PTPRM: variants seen among roughly 807,000 people sequenced by gnomAD.
PTPRM encodes the protein protein tyrosine phosphatase receptor type M.
PTPRM carries 47 observed loss-of-function variants against 186.7 expected under a neutral mutation model. That is an observed-to-expected ratio of 0.25 (90% CI 0.20 to 0.32). The LOEUF (loss-of-function observed/expected upper bound fraction) is 0.32, where lower values mean the gene tolerates loss of function less well. Among genes scored for constraint, PTPRM ranks in the 10% least tolerant of loss-of-function variants. The pLI is 1.00. For missense variants in PTPRM, 1,494 were observed against 1,865.0 expected, an observed-to-expected ratio of 0.80 and a Z score of 3.66; for synonymous variants, 668 against 674.9, an observed-to-expected ratio of 0.99 and a Z score of 0.16.
chr18:8,069,109 C>CAAAAA (rs71165767), intron 7 of PTPRM, among the ~76,000 whole-genome samples: 10 of 78,616 alleles, frequency 1.3e-4, no homozygotes, highest in Admixed American at 1.7e-4. Context: ...GACTCCGTCT[C>CAAAAA]AAAAAAAAAA....
Position 7,774,246 on chromosome 18 carries a change from G to A in PTPRM, c.171G>A (p.Pro57=), listed in dbSNP as rs145799313. Residue 57 remains proline (P), a synonymous_variant, in exon 2 of 33, where the codon CCG becomes CCA. Coordinates refer to ENST00000580170, the MANE Select transcript of PTPRM (RefSeq NM_001105244.2). The part of the protein sequence containing the change: ...NWEQVNTLTK[P]TSDPWMPSGS... ...AGCAAGTGAACACCTTGACTAAACC[G>A]ACTTCTGATCCATGGATGCCATCAG... The A allele has an allele frequency of 3.0e-4, 478 of 1,613,832 alleles. No homozygotes were observed. Among genetic ancestry groups the A allele is most frequent in the Non-Finnish European group, 4.0e-4 (468 of 1,179,942 alleles).
chr18:7,607,170 A>G (rs753227161), intron 1 of PTPRM, among the ~76,000 whole-genome samples: 9 of 152,146 alleles, frequency 5.9e-5, no homozygotes, highest in Admixed American at 1.3e-4. Context: ...TACTGCATCA[A>G]ACATTCTCAC....
chr18:7,638,513 G>T (rs2038371502), intron 1 of PTPRM, among the ~76,000 whole-genome samples: 1 of 152,180 alleles, frequency 6.6e-6, no homozygotes, highest in African/African-American at 2.4e-5. Flanking sequence ...ATCTAATGAT[G>T]TGTGTTTGAA....
chr18:8,287,816 A>C (rs1181049652), intron 19 of PTPRM, among the ~76,000 whole-genome samples: 1 of 152,158 alleles, frequency 6.6e-6, no homozygotes, highest in East Asian at 1.9e-4. Flanking sequence ...TAGAGACAAG[A>C]CCTAAGCCTA....
chr18:8,390,845 G>A (rs554571832), intron 31 of PTPRM, among the ~76,000 whole-genome samples: 167 of 152,008 alleles, frequency 1.1e-3, no homozygotes, highest in African/African-American at 3.9e-3. Flanking sequence ...GGAAAATGAC[G>A]TGAACCCGGG....
intron 13 of PTPRM, among the ~76,000 whole-genome samples, chr18:8,134,153 C>CAGGGGAA (rs1219399039): frequency 5.3e-5 from 8 of 152,176 alleles, no homozygotes; most frequent in Non-Finnish European, 7.4e-5. Flanking sequence ...CTACATTGTG[C>CAGGGGAA]ATAGACAGGG....
At chr18:7,603,895 C>T (rs1219535998) in intron 1 of PTPRM, among the ~76,000 whole-genome samples, 3 of 152,196 alleles carry the variant, frequency 2.0e-5, no homozygotes, top group Admixed American at 1.3e-4. Context: ...TTAGGTCTGA[C>T]ACACTGGCTT....
chr18:7,927,013 T>TTCTC (rs10616157), intron 5 of PTPRM, among the ~76,000 whole-genome samples: 1 of 150,118 alleles, frequency 6.7e-6, no homozygotes, highest in South Asian at 2.1e-4. Context: ...AAGAGTCTCT[T>TTCTC]TCTCTCTCTC....
At chr18:7,751,388 TGG>T (rs2041209313) in intron 1 of PTPRM, 1 of 152,236 alleles carries the variant, frequency 6.6e-6, no homozygotes. Flanking sequence ...TTAACTTGCT[TGG>T]ATCTTCAATT....
chr18:8,026,418 A>G (rs903269499), intron 7 of PTPRM, among the ~76,000 whole-genome samples: 1 of 152,242 alleles, frequency 6.6e-6, no homozygotes, highest in African/African-American at 2.4e-5. Flanking sequence ...GTTAACTACA[A>G]GAAATTGGGA....
At chr18:7,898,081 C>T (rs192763206) in intron 3 of PTPRM, among the ~76,000 whole-genome samples, 43 of 152,224 alleles carry the variant, frequency 2.8e-4, no homozygotes, top group African/African-American at 9.4e-4. Context: ...ATATTTTGCT[C>T]CTGATTCTTA....
At chr18:7,671,232 A>G (rs1231262685) in intron 1 of PTPRM, among the ~76,000 whole-genome samples, 2 of 152,192 alleles carry the variant, frequency 1.3e-5, no homozygotes, top group Non-Finnish European at 2.9e-5. Context: ...ATGTCTGGTA[A>G]AATCTCTAGG....
chr18:8,311,463 C>T (rs947102535), intron 20 of PTPRM, among the ~76,000 whole-genome samples: 9 of 152,284 alleles, frequency 5.9e-5, no homozygotes, highest in African/African-American at 2.2e-4. Flanking sequence ...ACACATGGGA[C>T]TGCAGCCTGT....
chr18:8,341,382 GC>G (rs1227538504), intron 22 of PTPRM, among the ~76,000 whole-genome samples: 1 of 152,204 alleles, frequency 6.6e-6, no homozygotes, highest in African/African-American at 2.4e-5. Context: ...TAAGAAAACA[GC>G]AGCAAACGAA....
chr18:8,315,008 G>A (rs1601770123), intron 21 of PTPRM, 151 bp downstream of exon 21: 1 of 525,300 alleles, frequency 1.9e-6, no homozygotes, highest in East Asian at 3.4e-5. Flanking sequence ...ACCAGATTGT[G>A]TGTCTGCTGA....
chr18:7,569,652 G>C (rs1004740343), intron 1 of PTPRM, among the ~76,000 whole-genome samples: 2 of 152,186 alleles, frequency 1.3e-5, no homozygotes, highest in African/African-American at 4.8e-5. Context: ...GTGTGCAAGG[G>C]AGTGGAAACA....
At chr18:8,349,697 T>C (rs2095524020) in intron 23 of PTPRM, among the ~76,000 whole-genome samples, 2 of 152,248 alleles carry the variant, frequency 1.3e-5, no homozygotes, top group Admixed American at 6.5e-5. Context: ...TTCAGACTCC[T>C]GGTCCCCAGT....
At chr18:7,736,023 C>A (rs1274730149) in intron 1 of PTPRM, among the ~76,000 whole-genome samples, 1 of 152,046 alleles carries the variant, frequency 6.6e-6, no homozygotes, top group African/African-American at 2.4e-5. Flanking sequence ...TATGTAAAAC[C>A]AAGCTATAAC....
chr18:8,358,140 C>G (rs1050186078), intron 23 of PTPRM, among the ~76,000 whole-genome samples: 1 of 138,620 alleles, frequency 7.2e-6, no homozygotes, highest in African/African-American at 3.1e-5. Flanking sequence ...TTCCCCCCCC[C>G]ACACACACAC....
Sources: gnomAD v4.1 joint callset for allele counts (sites outside exome capture counted in the v4.1 genomes callset) on GRCh38, gnomAD v4.1.1 for gene constraint, MANE v1.5 for transcripts, NCBI Gene and HGNC (gene_info 2026-07-23, HGNC 2026-07-21) for gene names.